Variants in ATG12 observed in about 807,000 individuals in gnomAD.
ATG12 encodes the protein ubiquitin-like protein ATG12.
ATG12 carries 19 observed loss-of-function variants against 17.6 expected under a neutral mutation model. The observed-to-expected ratio is 1.08, with a 90% CI of 0.75 to 1.58. The LOEUF is 1.58. Ranked by LOEUF, ATG12 falls within the 40% of genes most tolerant of loss-of-function variation. The pLI is 0.00. For synonymous variants in ATG12, 75 were observed against 62.4 expected (o/e 1.20, Z -0.95); for missense variants, 214 against 162.0 (o/e 1.32, Z -1.74).
At position 115,831,451 on chromosome 5, in the gene ATG12, A is replaced by C. The variant is rs867405101; in HGVS notation, c.*353T>G. 7 of 294,578 alleles carry C rather than the reference A, an allele frequency of 2.4e-5. No individual in the cohort carries two copies. Among genetic ancestry groups the C allele is most frequent in the African/African-American group, 1.3e-4 (6 of 44,514 alleles). The allele number at this position is 294,578 out of a possible 1,614,324, so 18.2% of individuals were successfully genotyped here. On this transcript the variant is annotated 3_prime_UTR_variant, in exon 4 of 4. Coordinates refer to ENST00000509910, the MANE Select transcript of ATG12 (RefSeq NM_004707.4). Reference sequence around the variant, plus strand: ...AAAAAAGGAACCCTTTAGTATATTAACTTTTACCATGAAAACAATTTCAGT... The same window carrying C: ...AAAAAAGGAACCCTTTAGTATATTACCTTTTACCATGAAAACAATTTCAGT...
At position 115,837,816 on chromosome 5, in the gene ATG12, G is replaced by A. The variant is rs781757753; in HGVS notation, c.164-52C>T. ...ACAATTACACTGAAACATCTAAAGAGAATGGAATATAAAAGACTTAGAAAT... is the reference window on the plus strand; with the variant it reads ...ACAATTACACTGAAACATCTAAAGAAAATGGAATATAAAAGACTTAGAAAT... On this transcript the variant is annotated intron_variant, in intron 1 of 3. Coordinates refer to ENST00000509910, the MANE Select transcript of ATG12 (RefSeq NM_004707.4). 10 of 1,456,340 alleles carry A rather than the reference G, an allele frequency of 6.9e-6. No individual in the cohort carries two copies. The Admixed American group carries it at 1.2e-4, about 17-fold the overall frequency. The allele number at this position is 1,456,340 out of a possible 1,614,324, so 90.2% of individuals were successfully genotyped here. A position where few individuals can be genotyped will look rare whatever the true frequency, so the allele number is the denominator to read the frequency against.
intron 1 of ATG12, chr5:115,838,662 A>G (rs905327948): frequency 2.6e-5 from 4 of 152,276 alleles, no homozygotes; most frequent in African/African-American, 9.6e-5. Flanking sequence ...GTTATTAACA[A>G]TAGAACAACC....
chr5:115,841,031 C>T, intron 1 of ATG12: 1 of 516,686 alleles, frequency 1.9e-6, no homozygotes, highest in Non-Finnish European at 3.2e-6. Context: ...TAAAACATTA[C>T]TCAAATAATT....
In ATG12 at chr5:115,832,607, A is replaced by G; in HGVS notation, c.358T>C (p.Tyr120His). Residue 120 changes from tyrosine to histidine, a missense_variant, in exon 3 of 4, where the codon TAT becomes CAT. Physicochemically the swap from Tyr to His is moderately conservative, Grantham distance 83. Transcript: ENST00000509910. ...TTTTTTTTTTTTTTTTTTACCTCAT[A>G]GAGAGTTCCAACTTCTTGGTCTGGG... Reference protein sequence around the residue: ...PSPDQEVGTLYECFGSDGKLV... With the variant: ...PSPDQEVGTLHECFGSDGKLV... 2.6e-6 allele frequency: 2 copies of G among 767,842 alleles called. No homozygotes were observed. Among genetic ancestry groups the G allele is most frequent in the Non-Finnish European group, 1.9e-6 (1 of 518,004 alleles). 47.6% of individuals were successfully genotyped at this position (767,842 alleles called of 1,614,324 possible).
At chr5:115,839,703 T>C (rs1001416683) in intron 1 of ATG12, among the ~76,000 whole-genome samples, 1 of 152,238 alleles carries the variant, frequency 6.6e-6, no homozygotes, top group Non-Finnish European at 1.5e-5. Context: ...ATACCTCCAG[T>C]GCCAAAACCT....
At chr5:115,833,290 G>A (rs1298904547) in intron 2 of ATG12, 2 of 151,582 alleles carry the variant, frequency 1.3e-5, no homozygotes, top group Admixed American at 1.3e-4. Context: ...TTTTCTTTTT[G>A]GAAAACAAAA....
chr5:115,832,098 A>T (rs1029414184), intron 3 of ATG12, among the ~76,000 whole-genome samples: 2 of 152,180 alleles, frequency 1.3e-5, no homozygotes, highest in African/African-American at 4.8e-5. Context: ...TATGTATTTT[A>T]ATCTTGTCCT....
chr5:115,832,794 T>A, intron 2 of ATG12, 130 bp from the exon 3 acceptor site: 1 of 833,738 alleles, frequency 1.2e-6, no homozygotes, highest in Non-Finnish European at 1.8e-6. Flanking sequence ...AACTCCTAAC[T>A]TTTCTAAATA....
intron 2 of ATG12, among the ~76,000 whole-genome samples, chr5:115,836,891 C>T (rs1273628699): frequency 2.6e-5 from 4 of 152,222 alleles, no homozygotes; most frequent in Non-Finnish European, 5.9e-5. Context: ...ACCTTTACTA[C>T]AACTGCCACT....
intron 1 of ATG12, chr5:115,839,545 G>A (rs1302150623): frequency 6.6e-6 from 1 of 152,214 alleles, no homozygotes; most frequent in South Asian, 2.1e-4. Flanking sequence ...CAAGGATGAA[G>A]TGTAAGACAG....
In ATG12 at chr5:115,828,350, T is replaced by C. The variant is rs1760721664; in HGVS notation, c.*3454A>G. On this transcript the variant is annotated 3_prime_UTR_variant, in exon 4 of 4. Transcript: ENST00000509910. Reference sequence around the variant, plus strand: ...GCCAAATGGCCCCCTAAAAGTGATATACCAACTCATATTCTATTCACCAAA... The same window carrying C: ...GCCAAATGGCCCCCTAAAAGTGATACACCAACTCATATTCTATTCACCAAA... The C allele has an allele frequency of 6.6e-6, 1 of 152,230 alleles. No homozygotes were observed. Among genetic ancestry groups the C allele is most frequent in the South Asian group, 2.1e-4 (1 of 4,834 alleles). 9.4% of individuals were successfully genotyped at this position (152,230 alleles called of 1,614,324 possible). A position where few individuals can be genotyped will look rare whatever the true frequency, so the allele number is the denominator to read the frequency against.
intron 1 of ATG12, 78 bp from the exon 2 acceptor site, chr5:115,837,842 C>A: frequency 2.5e-6 from 3 of 1,218,396 alleles, no homozygotes; most frequent in South Asian, 3.6e-5. Flanking sequence ...ACTTAGAAAT[C>A]AGAAATATTT....
intron 2 of ATG12, chr5:115,833,950 T>TGAGGG: frequency 6.6e-6 from 1 of 152,174 alleles, no homozygotes; most frequent in Middle Eastern, 3.2e-3. Context: ...CTATGAAGAT[T>TGAGGG]AATGTGATCT....
At chr5:115,836,540 T>G (rs531895391) in intron 2 of ATG12, among the ~76,000 whole-genome samples, 2 of 152,314 alleles carry the variant, frequency 1.3e-5, no homozygotes, top group South Asian at 4.1e-4. Flanking sequence ...GAGTCAGTTT[T>G]TTGCTCCTCC....
At chr5:115,832,730 T>A in intron 2 of ATG12, 66 bp from the exon 3 acceptor site, 3 of 1,380,386 alleles carry the variant, frequency 2.2e-6, no homozygotes, top group Non-Finnish European at 2.9e-6. Context: ...TTTTTCTGCA[T>A]TCCAATCAGC....
At chr5:115,839,863 C>T (rs1181952045) in intron 1 of ATG12, among the ~76,000 whole-genome samples, 1 of 152,196 alleles carries the variant, frequency 6.6e-6, no homozygotes, top group Non-Finnish European at 1.5e-5. Context: ...GAGAGGCAAA[C>T]TCAAATGCTA....
At chr5:115,840,910 G>C (rs1217344403) in intron 1 of ATG12, 4 of 1,287,514 alleles carry the variant, frequency 3.1e-6, no homozygotes, top group Non-Finnish European at 2.0e-6. Flanking sequence ...TTGGTTTTTG[G>C]TTTAAGGAGT....
At position 115,831,938 on chromosome 5, in the gene ATG12, CAT is replaced by C. The variant is rs1266235791; in HGVS notation, c.364-77_364-76del. Reference sequence around the variant, plus strand: ...GATGAAACTAAGAAGATAAATGCCACATGTATCATAAATATCCACACACGTAT... The same window carrying C: ...GATGAAACTAAGAAGATAAATGCCACGTATCATAAATATCCACACACGTAT... On this transcript the variant is annotated intron_variant, in intron 3 of 3. Transcript: ENST00000509910. 3 of 1,376,992 alleles carry C rather than the reference CAT, an allele frequency of 2.2e-6. No homozygotes were observed. The South Asian group carries it at 3.7e-5, about 17-fold the overall frequency. 85.3% of individuals were successfully genotyped at this position (1,376,992 alleles called of 1,614,324 possible).
At chr5:115,838,769 C>T (rs1248018492) in intron 1 of ATG12, 1 of 152,156 alleles carries the variant, frequency 6.6e-6, no homozygotes, top group African/African-American at 2.4e-5. Context: ...GTCTCTCAGA[C>T]ATAAAGTTAT....
Sources: allele counts gnomAD v4.1 joint callset (sites outside exome capture counted in the v4.1 genomes callset), GRCh38; gene constraint gnomAD v4.1.1; transcripts MANE v1.5; gene names NCBI Gene and HGNC (gene_info 2026-07-23, HGNC 2026-07-21).